Variants in EPYC observed in about 807,000 individuals in gnomAD.
EPYC encodes epiphycan, also known as dermatan sulfate proteoglycan 3.
EPYC carries 28 observed loss-of-function variants against 30.1 expected under a neutral mutation model. The ratio of observed to expected loss-of-function variants is 0.93; its 90% CI spans 0.69 to 1.28. The LOEUF is 1.28. Ranked by LOEUF, EPYC falls within the 50% of genes most tolerant of loss-of-function variation. The pLI, the probability that EPYC is intolerant of heterozygous loss-of-function variation, is 0.00. For synonymous variants in EPYC, 144 were observed against 141.4 expected, an observed-to-expected ratio of 1.02 and a Z score of -0.13; for missense variants, 382 against 383.5, an observed-to-expected ratio of 1.00 and a Z score of 0.03.
intron 2 of EPYC, among the ~76,000 whole-genome samples, chr12:90,998,933 C>G (rs1877759543): frequency 6.6e-6 from 1 of 152,042 alleles, no homozygotes; most frequent in Non-Finnish European, 1.5e-5. Flanking sequence ...CATATGCTTA[C>G]TGGCCATCAG....
At chr12:90,985,261 C>G (rs2120841680) in intron 2 of EPYC, among the ~76,000 whole-genome samples, 1 of 152,244 alleles carries the variant, frequency 6.6e-6, no homozygotes, top group Non-Finnish European at 1.5e-5. Context: ...CACCATAACT[C>G]AGGGAAAGGA....
At chr12:90,966,004 A>G (rs1304362858) in intron 6 of EPYC, among the ~76,000 whole-genome samples, 1 of 152,018 alleles carries the variant, frequency 6.6e-6, no homozygotes, top group Non-Finnish European at 1.5e-5. Context: ...TGCTGAACTC[A>G]TTTATTAGTT....
intron 2 of EPYC, among the ~76,000 whole-genome samples, chr12:90,987,819 A>G (rs1877488652): frequency 6.6e-6 from 1 of 152,160 alleles, no homozygotes. Context: ...GTACAATGTA[A>G]TAGCCTTACC....
At chr12:90,974,038 T>TCACACA (rs560408641) in intron 3 of EPYC, among the ~76,000 whole-genome samples, 13,752 of 140,240 alleles carry the variant, frequency 0.098, 796 homozygotes, top group East Asian at 0.27. Context: ...TTACACACAC[T>TCACACA]CACACACACA....
At chr12:91,001,428 A>G (rs2120875480) in intron 2 of EPYC, among the ~76,000 whole-genome samples, 1 of 152,252 alleles carries the variant, frequency 6.6e-6, no homozygotes, top group East Asian at 1.9e-4. Flanking sequence ...GTTTATTTAT[A>G]GTTAATTAGT....
At chr12:90,990,934 A>T (rs1211403131) in intron 2 of EPYC, among the ~76,000 whole-genome samples, 1 of 152,118 alleles carries the variant, frequency 6.6e-6, no homozygotes, top group Non-Finnish European at 1.5e-5. Flanking sequence ...CTATCCTTTT[A>T]TACATTACAG....
intron 1 of EPYC, among the ~76,000 whole-genome samples, chr12:91,004,746 G>A (rs1270596585): frequency 6.6e-6 from 1 of 152,044 alleles, no homozygotes; most frequent in Non-Finnish European, 1.5e-5. Flanking sequence ...ACTATTTGCT[G>A]TATGTTATTA....
rs1050302809 is a variant in EPYC, at chr12:90,979,554, C to T, written c.166-1292G>A. On this transcript the variant is annotated intron_variant, in intron 2 of 6. Coordinates refer to ENST00000261172, the MANE Select transcript of EPYC (RefSeq NM_004950.5). Reference sequence around the variant, plus strand: ...ACTTATAATAGATTTAAAAGCATTGCAAATCACAAATGAAAATTATTCTTT... The same window carrying T: ...ACTTATAATAGATTTAAAAGCATTGTAAATCACAAATGAAAATTATTCTTT... Among the ~76,000 whole-genome samples, 5 of 152,052 alleles carry T rather than the reference C, an allele frequency of 3.3e-5. No homozygotes were observed. In the East Asian group the frequency reaches 9.6e-4, roughly 29 times the overall value.
intron 2 of EPYC, among the ~76,000 whole-genome samples, chr12:90,990,897 A>T (rs1240616995): frequency 6.6e-6 from 1 of 152,114 alleles, no homozygotes; most frequent in Non-Finnish European, 1.5e-5. Flanking sequence ...TACTTCCAAA[A>T]TTTACTGATC....
At position 90,963,914 on chromosome 12, in the gene EPYC, T is replaced by G. The variant is rs901399559; in HGVS notation, c.*242A>C. 1.6e-5 allele frequency: 5 copies of G among 322,218 alleles called. No individual in the cohort carries two copies. The highest frequency in any genetic ancestry group is 1.0e-4 in the African/African-American group (5 of 48,048). The allele number at this position is 322,218 out of a possible 1,614,324, so 20.0% of individuals were successfully genotyped here. ...GTGATACATGATCTATAAGAACATGTGTGAAATATTTTCTATCACTTAGTT... is the reference window on the plus strand; with the variant it reads ...GTGATACATGATCTATAAGAACATGGGTGAAATATTTTCTATCACTTAGTT... On this transcript the variant is annotated 3_prime_UTR_variant, in exon 7 of 7. Transcript: ENST00000261172.
intron 5 of EPYC, among the ~76,000 whole-genome samples, chr12:90,970,833 C>T (rs1877024942): frequency 6.6e-6 from 1 of 152,194 alleles, no homozygotes; most frequent in Non-Finnish European, 1.5e-5. Context: ...ATCCCCTGTG[C>T]CATCCCTGAG....
intron 1 of EPYC, among the ~76,000 whole-genome samples, chr12:91,003,576 T>C (rs1181810434): frequency 6.6e-6 from 1 of 152,120 alleles, no homozygotes; most frequent in Non-Finnish European, 1.5e-5. Context: ...GAATACATTT[T>C]GGTTTAGAAA....
At chr12:90,981,665 TA>T (rs1189359198) in intron 2 of EPYC, among the ~76,000 whole-genome samples, 1 of 152,020 alleles carries the variant, frequency 6.6e-6, no homozygotes, top group African/African-American at 2.4e-5. Context: ...AATTTCAGGG[TA>T]AAAATATGAA....
At chr12:90,995,767 T>C (rs1444472125) in intron 2 of EPYC, among the ~76,000 whole-genome samples, 2 of 151,824 alleles carry the variant, frequency 1.3e-5, no homozygotes, top group African/African-American at 2.4e-5. Context: ...GTTTTTAAGG[T>C]TCTTAAATAC....
At position 90,966,090 on chromosome 12, in the gene EPYC, A is replaced by C. The variant is rs1876888336; in HGVS notation, c.799-1764T>G. ...CATCTGAAAATAGAAGAATGACCTT[A>C]TTTCCAATTTGGAAACTATTTATTT... is the stretch of plus-strand genomic sequence containing the variant. On this transcript the variant is annotated intron_variant, in intron 6 of 6. Transcript: ENST00000261172. 2.0e-5 allele frequency among the ~76,000 whole-genome samples: 3 copies of C among 152,094 alleles called. No homozygotes were observed. In the South Asian group the frequency reaches 6.2e-4, roughly 32 times the overall value.
chr12:90,980,938 C>T (rs893439001), intron 2 of EPYC, among the ~76,000 whole-genome samples: 1 of 152,150 alleles, frequency 6.6e-6, no homozygotes, highest in African/African-American at 2.4e-5. Flanking sequence ...CAGTCAAAGT[C>T]ACTGCACTTG....
chr12:90,970,846 T>G (rs188812163), intron 5 of EPYC, among the ~76,000 whole-genome samples: 75 of 152,320 alleles, frequency 4.9e-4, no homozygotes, highest in Admixed American at 1.0e-3. Flanking sequence ...TCCCTGAGAA[T>G]ACTGTGGTGT....
chr12:90,968,681 T>C (rs1876959580), intron 6 of EPYC, among the ~76,000 whole-genome samples: 1 of 152,134 alleles, frequency 6.6e-6, no homozygotes, highest in African/African-American at 2.4e-5. Flanking sequence ...TCATATTATA[T>C]ATACAAACTA....
rs915574387 is a variant in EPYC at position 90,963,876 on chromosome 12, C to T, written c.*280G>A. 8.7e-6 allele frequency: 2 copies of T among 230,412 alleles called. No individual in the cohort carries two copies. The highest frequency in any genetic ancestry group is 3.2e-4 in the South Asian group (2 of 6,222). 14.3% of individuals were successfully genotyped at this position (230,412 alleles called of 1,614,324 possible). ...TTGAAATGATATAGGATATGAACTCCTAAAACTTGCAAGTGATACATGATC... is the reference window on the plus strand; with the variant it reads ...TTGAAATGATATAGGATATGAACTCTTAAAACTTGCAAGTGATACATGATC... On this transcript the variant is annotated 3_prime_UTR_variant, in exon 7 of 7. Transcript: ENST00000261172.
Sources: gnomAD v4.1 joint callset for allele counts (sites outside exome capture counted in the v4.1 genomes callset) on GRCh38, gnomAD v4.1.1 for gene constraint, MANE v1.5 for transcripts, NCBI Gene and HGNC (gene_info 2026-07-23, HGNC 2026-07-21) for gene names.